ZNF483: variants seen among roughly 807,000 people sequenced by gnomAD.
ZNF483 encodes the protein zinc finger protein 483.
ZNF483 carries 9 observed loss-of-function variants against 28.6 expected under a neutral mutation model. The observed-to-expected ratio is 0.32, with a 90% CI of 0.19 to 0.55. The LOEUF (loss-of-function observed/expected upper bound fraction) is 0.55, where lower values mean the gene tolerates loss of function less well. Ranked by LOEUF, ZNF483 falls within the 20% of genes least tolerant of loss-of-function variation. The probability of loss-of-function intolerance (pLI) is 0.93; values close to 1 mark genes in which losing one functional copy is unlikely to be tolerated. For missense variants in ZNF483, 675 were observed against 871.7 expected (o/e 0.77, Z 2.84); for synonymous variants, 322 against 306.2 (o/e 1.05, Z -0.54).
intron 5 of ZNF483, chr9:111,574,818 C>A (rs772543005): frequency 6.2e-7 from 1 of 1,613,704 alleles, no homozygotes; most frequent in East Asian, 2.2e-5. Flanking sequence ...TGGCCGATAA[C>A]AGTGTTTGAA....
chr9:111,562,960 T>A (rs1046896536), intron 5 of ZNF483: 5 of 1,396,872 alleles, frequency 3.6e-6, no homozygotes, highest in Non-Finnish European at 4.6e-6. Context: ...CCATCCTCCA[T>A]CACTAATTAC....
At position 111,555,085 on chromosome 9, in the gene ZNF483, TG is replaced by T. The variant is rs994817209; in HGVS notation, c.*11918del. On this transcript the variant is annotated 3_prime_UTR_variant, in exon 6 of 6. Coordinates refer to ENST00000309235, the MANE Select transcript of ZNF483 (RefSeq NM_133464.5). ...GAGCAGGCAGAGGCACGCCACATGG[TG>T]GGATAGGAGTTGGAGTTCATCCCCT... 9.2e-5 allele frequency among the ~76,000 whole-genome samples: 14 copies of T among 152,152 alleles called. No homozygotes were observed. Among genetic ancestry groups the T allele is most frequent in the Non-Finnish European group, 2.1e-4 (14 of 68,030 alleles).
downstream of ZNF483, among the ~76,000 whole-genome samples, chr9:111,557,110 C>T (rs1828146219): frequency 6.6e-6 from 1 of 152,194 alleles, no homozygotes; most frequent in African/African-American, 2.4e-5. Flanking sequence ...CATTCAGCTC[C>T]TCATGCAGCA....
intron 4 of ZNF483, 29 bp downstream of exon 4, chr9:111,533,894 C>T (rs755928799): frequency 5.7e-6 from 9 of 1,580,488 alleles, no homozygotes; most frequent in South Asian, 1.2e-5. Context: ...CATTACCTAG[C>T]GTTTAACCTT....
At chr9:111,573,348 T>G (rs755417367) in intron 5 of ZNF483, among the ~76,000 whole-genome samples, 4 of 152,218 alleles carry the variant, frequency 2.6e-5, no homozygotes, top group Admixed American at 6.5e-5. Flanking sequence ...GTAATGATTT[T>G]GATTTTTCAC....
rs1235561651 is a variant in ZNF483, at chr9:111,526,100, A to T, written c.-129+838A>T. 1.8e-4 allele frequency among the ~76,000 whole-genome samples: 27 copies of T among 152,184 alleles called. 1 individual carries two copies. The highest frequency in any genetic ancestry group is 1.8e-3 in the Admixed American group (27 of 15,276). ...TGAATGAATGAATGCAACACAGGGCAGTCTGTGTGCAAAGGAGTGCTTTGG... is the reference window on the plus strand; with the variant it reads ...TGAATGAATGAATGCAACACAGGGCTGTCTGTGTGCAAAGGAGTGCTTTGG... On this transcript the variant is annotated intron_variant, in intron 1 of 5. Transcript: ENST00000309235.
chr9:111,527,345 C>CTGA lies in ZNF483; in HGVS notation c.-49_-47dup, dbSNP rs1827206386. On this transcript the variant is annotated 5_prime_UTR_variant, in exon 2 of 6. In the 5' UTR this introduces an upstream ATG that the reference lacks. Transcript: ENST00000309235. Reference sequence around the variant, plus strand: ...GTATAGTGCCTGTTGGTGGACTGTACTGATACTCAACTAGAGTGTGAAGGG... The same window carrying CTGA: ...GTATAGTGCCTGTTGGTGGACTGTACTGATGATACTCAACTAGAGTGTGAAGGG... 4 of 1,580,806 alleles carry CTGA rather than the reference C, an allele frequency of 2.5e-6. No individual in the cohort carries two copies. The highest frequency in any genetic ancestry group is 3.4e-6 in the Non-Finnish European group (4 of 1,162,468).
In ZNF483 at chr9:111,546,168, C is replaced by T. The variant is rs902585378; in HGVS notation, c.*2998C>T. Among the ~76,000 whole-genome samples the T allele has an allele frequency of 6.6e-6, 1 of 152,104 alleles. No individual in the cohort carries two copies. The highest frequency in any genetic ancestry group is 2.4e-5 in the African/African-American group (1 of 41,418). ...CTGATGGCGAATAATGTCAAAGCATCTTTTATGTGCTCTTCAGCCATTCAT... is the reference window on the plus strand; with the variant it reads ...CTGATGGCGAATAATGTCAAAGCATTTTTTATGTGCTCTTCAGCCATTCAT... On this transcript the variant is annotated 3_prime_UTR_variant, in exon 6 of 6. Transcript: ENST00000309235.
At chr9:111,573,998 C>T (rs769871627) in intron 5 of ZNF483, among the ~76,000 whole-genome samples, 8 of 152,196 alleles carry the variant, frequency 5.3e-5, no homozygotes, top group African/African-American at 1.2e-4. Flanking sequence ...GAGGCCAAGA[C>T]GCCCTACTGC....
At chr9:111,576,330 C>G (rs758830340) in intron 5 of ZNF483, 16 of 1,611,980 alleles carry the variant, frequency 9.9e-6, no homozygotes, top group Admixed American at 1.7e-5. Context: ...TAACCTCAAA[C>G]CAGTACTCAC....
Position 111,547,890 on chromosome 9 carries a change from C to T in ZNF483, c.*4720C>T, listed in dbSNP as rs1303325976. On this transcript the variant is annotated 3_prime_UTR_variant, in exon 6 of 6. Transcript: ENST00000309235. ...CCATCTGTTGAAGAGACTATCCTTT[C>T]CACATCATGTATTCTTTGCACTCTT... Among the ~76,000 whole-genome samples, 3 of 152,156 alleles carry T rather than the reference C, an allele frequency of 2.0e-5. No individual in the cohort carries two copies. The highest frequency in any genetic ancestry group is 1.9e-4 in the East Asian group (1 of 5,200).
chr9:111,542,864 C>T lies in ZNF483; in HGVS notation c.1929C>T (p.Ala643=), dbSNP rs1312740124. 6.2e-7 allele frequency: 1 copy of T among 1,614,122 alleles called. No individual in the cohort carries two copies. Among genetic ancestry groups the T allele is most frequent in the Non-Finnish European group, 8.5e-7 (1 of 1,180,016 alleles). ...KPYKCNQCEK[A]FPTHSLLSRH... ...ACAAATGTAACCAGTGTGAGAAAGC[C>T]TTCCCAACCCATTCACTGCTAAGTC... The change falls in exon 6 of 6, where the codon GCC becomes GCT. Residue 643 remains alanine (A), a synonymous_variant. Coordinates refer to ENST00000309235, the MANE Select transcript of ZNF483 (RefSeq NM_133464.5). This position sits in a 1 kb window ranked among gnomAD's most constrained non-coding sequence, Gnocchi z 6.2.
intron 5 of ZNF483, among the ~76,000 whole-genome samples, chr9:111,541,379 G>A (rs780538554): frequency 9.2e-5 from 14 of 151,974 alleles, no homozygotes; most frequent in South Asian, 2.1e-4. Context: ...ATGAGCCACC[G>A]TGCCCATCCT....
At chr9:111,571,448 T>A (rs1828816380) in intron 5 of ZNF483, among the ~76,000 whole-genome samples, 1 of 149,004 alleles carries the variant, frequency 6.7e-6, no homozygotes, top group Admixed American at 6.8e-5. Flanking sequence ...AGAATAAACA[T>A]GTGGGTGTTT....
At chr9:111,563,106 C>T in intron 5 of ZNF483, 2 of 1,611,574 alleles carry the variant, frequency 1.2e-6, no homozygotes, top group East Asian at 4.5e-5. Flanking sequence ...CTCCAGATTC[C>T]ATGTGTCCTC....
Position 111,534,351 on chromosome 9 carries a change from T to C in ZNF483, c.719T>C (p.Leu240Pro). ...GAAGAAGTCTCAAAAAGCTCCCGAC[T>C]AGGTGAGTTGGTGAAAAATACACAA... ...LLEEVSKSSR[L>P]DESALDKIIE... Residue 240 changes from leucine (L) to proline (P), a missense_variant and splice_region_variant, in exon 5 of 6, where the codon CTA becomes CCA. This residue lies in a region of ZNF483 where 525 missense variants were observed against 581.8 expected (regional missense o/e 0.90). Coordinates refer to ENST00000309235, the MANE Select transcript of ZNF483 (RefSeq NM_133464.5). 1.2e-6 allele frequency: 2 copies of C among 1,613,642 alleles called. No individual in the cohort carries two copies. The highest frequency in any genetic ancestry group is 1.7e-6 in the Non-Finnish European group (2 of 1,179,550).
At chr9:111,576,691 C>T (rs1299656177) in exon 6 of ZNF483, 1 of 320,494 alleles carries the variant, frequency 3.1e-6, no homozygotes, top group Admixed American at 4.7e-5. Context: ...TACATATTTC[C>T]CCTAGAAGCA....
intron 5 of ZNF483, chr9:111,539,628 TG>T (rs1827619890): frequency 3.1e-6 from 1 of 321,028 alleles, no homozygotes; most frequent in African/African-American, 2.2e-5. Context: ...CTGGGCGTGG[TG>T]GTACATGCCT....
At chr9:111,572,387 A>G (rs962978004) in intron 5 of ZNF483, among the ~76,000 whole-genome samples, 1 of 152,106 alleles carries the variant, frequency 6.6e-6, no homozygotes, top group Non-Finnish European at 1.5e-5. Context: ...GAGGTCAGGA[A>G]ATCAAGACCA....
Sources: gnomAD v4.1 joint callset for allele counts (sites outside exome capture counted in the v4.1 genomes callset) on GRCh38, gnomAD v4.1.1 for gene constraint, gnomAD v4.1.1 regional missense constraint, Gnocchi (gnomAD v3.1) non-coding constraint, MANE v1.5 for transcripts, NCBI Gene and HGNC (gene_info 2026-07-23, HGNC 2026-07-21) for gene names.